Variants in THADA observed in about 807,000 individuals in gnomAD.
THADA encodes tRNA (32-2'-O)-methyltransferase regulator THADA.
In THADA, 213 loss-of-function variants were observed where a neutral mutation model predicts 219.8. That is an observed-to-expected ratio of 0.97 (90% CI 0.87 to 1.09). The LOEUF is 1.09. Ranked by LOEUF, THADA falls within the 50% of genes least tolerant of loss-of-function variation. The pLI is 0.00. For synonymous variants in THADA, 1,018 were observed against 828.9 expected, an observed-to-expected ratio of 1.23 and a Z score of -3.92; for missense variants, 2,956 against 2,311.3, an observed-to-expected ratio of 1.28 and a Z score of -5.72.
intron 20 of THADA, among the ~76,000 whole-genome samples, chr2:43,545,040 G>A (rs138701982): frequency 0.18 from 27,770 of 152,130 alleles, 2,811 homozygotes; most frequent in Middle Eastern, 0.24. Flanking sequence ...ATTATTTTGA[G>A]ATACGTCCCA....
intron 31 of THADA, among the ~76,000 whole-genome samples, chr2:43,314,178 A>G (rs1289334975): frequency 6.6e-6 from 1 of 152,200 alleles, no homozygotes; most frequent in Non-Finnish European, 1.5e-5. Context: ...ATTTATATGA[A>G]GGGTATGGAT....
At chr2:43,389,925 T>C (rs1673148470) in intron 29 of THADA, among the ~76,000 whole-genome samples, 2 of 152,212 alleles carry the variant, frequency 1.3e-5, no homozygotes, top group African/African-American at 2.4e-5. Context: ...ATGGTTTATT[T>C]TCCAGGTAGC....
chr2:43,575,534 G>GTTAT (rs111540904), intron 10 of THADA, among the ~76,000 whole-genome samples: 18 of 152,126 alleles, frequency 1.2e-4, no homozygotes, highest in South Asian at 2.1e-4. Flanking sequence ...GATTACACAA[G>GTTAT]TTATTTATTT....
chr2:43,384,915 C>G (rs1405726848), intron 29 of THADA, among the ~76,000 whole-genome samples: 1 of 151,898 alleles, frequency 6.6e-6, no homozygotes, highest in African/African-American at 2.4e-5. Context: ...CGAAGACATG[C>G]AGATCACCTG....
At chr2:43,514,703 T>TATATTATATTATATATAATATATATA (rs1691044663) in intron 22 of THADA, among the ~76,000 whole-genome samples, 1 of 80,810 alleles carries the variant, frequency 1.2e-5, no homozygotes, top group African/African-American at 5.7e-5. Context: ...ATATATATAA[T>TATATTATATTATATATAATATATATA]ATATATATAA....
intron 28 of THADA, among the ~76,000 whole-genome samples, chr2:43,404,468 T>C (rs1034950748): frequency 1.3e-5 from 2 of 151,664 alleles, no homozygotes; most frequent in South Asian, 2.1e-4. Flanking sequence ...GCTGGGATTA[T>C]AAGCATGAGC....
chr2:43,352,691 G>A (rs1030489455), intron 29 of THADA, among the ~76,000 whole-genome samples: 4 of 152,078 alleles, frequency 2.6e-5, no homozygotes, highest in Admixed American at 2.6e-4. Context: ...GAGAGAGAAA[G>A]AGAAAGAGAG....
At chr2:43,265,984 CACACACAG>C (rs1237877226) in intron 36 of THADA, among the ~76,000 whole-genome samples, 23 of 113,586 alleles carry the variant, frequency 2.0e-4, no homozygotes, top group East Asian at 1.5e-3. Context: ...CACACACACA[CACACACAG>C]ACTCTTGAGG....
chr2:43,503,638 C>T (rs1276470743), intron 24 of THADA, among the ~76,000 whole-genome samples: 1 of 151,996 alleles, frequency 6.6e-6, no homozygotes, highest in Non-Finnish European at 1.5e-5. Flanking sequence ...GTTCATTATT[C>T]ACTATACATT....
chr2:43,351,307 T>C (rs1342785430), intron 29 of THADA, among the ~76,000 whole-genome samples: 3 of 152,206 alleles, frequency 2.0e-5, no homozygotes, highest in Admixed American at 6.5e-5. Flanking sequence ...TCCTCCACTT[T>C]ACGAACCTAT....
chr2:43,325,339 T>C (rs889301737), intron 30 of THADA, among the ~76,000 whole-genome samples: 1 of 152,078 alleles, frequency 6.6e-6, no homozygotes, highest in Non-Finnish European at 1.5e-5. Flanking sequence ...CTGAGGCCTA[T>C]TCATTCAGGA....
chr2:43,382,375 A>C (rs1213539854), intron 29 of THADA, among the ~76,000 whole-genome samples: 1 of 152,214 alleles, frequency 6.6e-6, no homozygotes, highest in African/African-American at 2.4e-5. Context: ...AGTATATATA[A>C]AACTATTCTT....
intron 22 of THADA, among the ~76,000 whole-genome samples, chr2:43,509,142 T>C (rs1254170036): frequency 6.6e-6 from 1 of 152,212 alleles, no homozygotes; most frequent in Non-Finnish European, 1.5e-5. Context: ...TATAGTTTAC[T>C]ATAATTTATG....
intron 30 of THADA, among the ~76,000 whole-genome samples, chr2:43,330,427 C>T (rs561830792): frequency 1.1e-4 from 17 of 152,296 alleles, no homozygotes; most frequent in Middle Eastern, 3.4e-3. Flanking sequence ...TCATGTAAGA[C>T]CAGCTCATGC....
intron 22 of THADA, among the ~76,000 whole-genome samples, chr2:43,524,241 T>C (rs1692870610): frequency 1.3e-5 from 2 of 152,246 alleles, no homozygotes; most frequent in African/African-American, 4.8e-5. Context: ...GTTGCAAGTG[T>C]TGCTTTCAAA....
At chr2:43,546,148 G>A (rs1457103747) in intron 20 of THADA, among the ~76,000 whole-genome samples, 3 of 151,264 alleles carry the variant, frequency 2.0e-5, no homozygotes, top group Non-Finnish European at 2.9e-5. Flanking sequence ...AGTCATTCAG[G>A]AGCAGGTTGT....
At chr2:43,459,472 A>G (rs1558794910) in intron 26 of THADA, among the ~76,000 whole-genome samples, 2 of 152,316 alleles carry the variant, frequency 1.3e-5, no homozygotes, top group Non-Finnish European at 2.9e-5. Flanking sequence ...GGTGTTGAAG[A>G]TAAAACACTG....
chr2:43,429,647 T>A (rs187957893), intron 27 of THADA, among the ~76,000 whole-genome samples: 12 of 152,098 alleles, frequency 7.9e-5, no homozygotes, highest in East Asian at 5.8e-4. Flanking sequence ...CAGATTTTTT[T>A]AAAAATAGGA....
chr2:43,357,022 G>A (rs1668940431), intron 29 of THADA, among the ~76,000 whole-genome samples: 1 of 152,204 alleles, frequency 6.6e-6, no homozygotes, highest in Non-Finnish European at 1.5e-5. Context: ...ATTACTTTGT[G>A]CTAGTAATTC....
Sources: allele counts gnomAD v4.1 joint callset (sites outside exome capture counted in the v4.1 genomes callset), GRCh38; gene constraint gnomAD v4.1.1; transcripts MANE v1.5; gene names NCBI Gene and HGNC (gene_info 2026-07-23, HGNC 2026-07-21).